Variants in RUSC2 observed in about 807,000 individuals in gnomAD.
RUSC2 encodes the protein RUN and SH3 domain containing 2.
A neutral mutation model predicts 122.2 loss-of-function variants in RUSC2; 34 were observed. That is an observed-to-expected ratio of 0.28 (90% confidence interval 0.21 to 0.37). The LOEUF (loss-of-function observed/expected upper bound fraction) is 0.37. Ranked by LOEUF, RUSC2 falls within the 10% of genes least tolerant of loss-of-function variation. RUSC2 has a pLI of 1.00. For synonymous variants in RUSC2, 784 were observed against 790.0 expected (o/e 0.99, Z 0.13); for missense variants, 1,747 against 1,952.4 (o/e 0.89, Z 1.98).
chr9:35,517,391 A>G (rs902242768), intron 1 of RUSC2, among the ~76,000 whole-genome samples: 1 of 152,184 alleles, frequency 6.6e-6, no homozygotes, highest in Non-Finnish European at 1.5e-5. Context: ...TGAGCAGTAG[A>G]ATACATCCCT....
At chr9:35,492,114 C>T (rs1181332236) in intron 1 of RUSC2, among the ~76,000 whole-genome samples, 1 of 152,054 alleles carries the variant, frequency 6.6e-6, no homozygotes, top group Non-Finnish European at 1.5e-5. Context: ...GTTAAGACCT[C>T]AGTTACCCCA....
Position 35,503,778 on chromosome 9 carries a change from T to A in RUSC2, c.-93+13606T>A, listed in dbSNP as rs184196909. On this transcript the variant is annotated intron_variant, in intron 1 of 11. Coordinates refer to ENST00000361226, the MANE Select transcript of RUSC2 (RefSeq NM_014806.5). ...CACAGCAACAACATCTATTATTATT[T>A]TTTTTTTCTTTTTTGAGACAGAGTT... Among the ~76,000 whole-genome samples the A allele has an allele frequency of 8.4e-3, 1,274 of 152,160 alleles. 9 individuals are homozygous for A. Among genetic ancestry groups the A allele is most frequent in the Non-Finnish European group, 0.012 (814 of 67,998 alleles).
chr9:35,534,597 TTAG>T (rs1821487188), intron 1 of RUSC2, among the ~76,000 whole-genome samples: 1 of 152,236 alleles, frequency 6.6e-6, no homozygotes, highest in Non-Finnish European at 1.5e-5. Context: ...CTCTTGTGCC[TTAG>T]CCTCCCGAGT....
chr9:35,517,911 G>A (rs927444522), intron 1 of RUSC2, among the ~76,000 whole-genome samples: 1 of 152,066 alleles, frequency 6.6e-6, no homozygotes, highest in African/African-American at 2.4e-5. Context: ...CCAGAAGATG[G>A]ATACAGTTAG....
Position 35,548,309 on chromosome 9 carries a change from C to T in RUSC2, c.1788C>T (p.Ser596=), listed in dbSNP as rs1430221799. 9 of 1,614,080 alleles carry T rather than the reference C, an allele frequency of 5.6e-6. No homozygotes were observed. Among genetic ancestry groups the T allele is most frequent in the Non-Finnish European group, 7.6e-6 (9 of 1,180,034 alleles). The change falls in exon 2 of 12, where the codon AGC becomes AGT. Residue 596 remains serine, a synonymous_variant. Coordinates refer to ENST00000361226, the MANE Select transcript of RUSC2 (RefSeq NM_014806.5). This position sits in a 1 kb window ranked among gnomAD's most constrained non-coding sequence, Gnocchi z 4.5. ...ATGAGGGCACTTGCTGTAGCCATAGCCTGCCACCCATGCCTTTGGGGCCAG... is the reference window on the plus strand; with the variant it reads ...ATGAGGGCACTTGCTGTAGCCATAGTCTGCCACCCATGCCTTTGGGGCCAG... ...PLDEGTCCSH[S]LPPMPLGPGM... is the part of the protein sequence containing the mutation.
chr9:35,523,190 G>T (rs1410310099), intron 1 of RUSC2, among the ~76,000 whole-genome samples: 2 of 152,122 alleles, frequency 1.3e-5, no homozygotes, highest in Non-Finnish European at 2.9e-5. Context: ...CATATCTTTT[G>T]TGAGGGTGGC....
intron 1 of RUSC2, among the ~76,000 whole-genome samples, chr9:35,500,007 G>A (rs1208183743): frequency 1.3e-5 from 2 of 152,154 alleles, no homozygotes; most frequent in Non-Finnish European, 2.9e-5. Context: ...AAAGTTGGCT[G>A]TATTCTATTT....
At chr9:35,517,020 A>G (rs928750560) in intron 1 of RUSC2, among the ~76,000 whole-genome samples, 3 of 152,234 alleles carry the variant, frequency 2.0e-5, no homozygotes, top group Non-Finnish European at 2.9e-5. Flanking sequence ...TGATCCATAG[A>G]TACATACAAT....
chr9:35,535,230 C>T (rs1821498257), intron 1 of RUSC2, among the ~76,000 whole-genome samples: 1 of 152,022 alleles, frequency 6.6e-6, no homozygotes, highest in South Asian at 2.1e-4. Flanking sequence ...ATTCTCCTGC[C>T]TCAGCCTCCC....
chr9:35,534,314 C>T (rs1232067642), intron 1 of RUSC2, among the ~76,000 whole-genome samples: 2 of 151,846 alleles, frequency 1.3e-5, no homozygotes, highest in African/African-American at 4.8e-5. Context: ...GTGGCTCATG[C>T]CTGTAATCCC....
rs1043740276 is a variant in RUSC2 at position 35,559,592 on chromosome 9, G to A, written c.3388+320G>A. ...TCTACTAAAAATTCAAAAATTAGCC[G>A]GCTGTGGTGGCGCATGCCTGTAGTC... On this transcript the variant is annotated intron_variant, in intron 9 of 11. Coordinates refer to ENST00000361226, the MANE Select transcript of RUSC2 (RefSeq NM_014806.5). Among the ~76,000 whole-genome samples, 6 of 152,092 alleles carry A rather than the reference G, an allele frequency of 3.9e-5. 1 individual carries two copies. Among genetic ancestry groups the A allele is most frequent in the South Asian group, 4.1e-4 (2 of 4,828 alleles).
In RUSC2 at chr9:35,546,762, A is replaced by G; in HGVS notation, c.241A>G (p.Ile81Val). The change falls in exon 2 of 12, where the codon ATA becomes GTA. Residue 81 changes from isoleucine to valine, a missense_variant. Coordinates refer to ENST00000361226, the MANE Select transcript of RUSC2 (RefSeq NM_014806.5). This position sits in a 1 kb window ranked among gnomAD's most constrained non-coding sequence, Gnocchi z 4.3. ...TACTCCAGGAGGAACTGCACGGTCT[A>G]TAGACAGCACCAAGAGTAGGAGTCG... ...HSTPGGTARS[I>V]DSTKSRSRDG... The G allele has an allele frequency of 1.2e-6, 2 of 1,600,256 alleles. No homozygotes were observed. The highest frequency in any genetic ancestry group is 2.3e-5 in the South Asian group (2 of 87,818).
At chr9:35,513,843 C>A (rs1821053162) in intron 1 of RUSC2, among the ~76,000 whole-genome samples, 1 of 144,538 alleles carries the variant, frequency 6.9e-6, no homozygotes, top group Non-Finnish European at 1.5e-5. Flanking sequence ...AAGACCCTGT[C>A]TCTATAAAAA....
At chr9:35,507,464 G>C (rs1820935463) in intron 1 of RUSC2, 1 of 153,602 alleles carries the variant, frequency 6.5e-6, no homozygotes, top group Admixed American at 6.5e-5. Flanking sequence ...CTCCATGTCT[G>C]TACTCAAATA....
chr9:35,516,022 A>AAAAAAAAAAAAG (rs1554724501), intron 1 of RUSC2, among the ~76,000 whole-genome samples: 14 of 127,186 alleles, frequency 1.1e-4, no homozygotes, highest in African/African-American at 3.4e-4. Context: ...AAAAAAAAAA[A>AAAAAAAAAAAAG]AGAGAAATGC....
At chr9:35,497,363 G>T (rs1820738622) in intron 1 of RUSC2, among the ~76,000 whole-genome samples, 1 of 152,168 alleles carries the variant, frequency 6.6e-6, no homozygotes, top group South Asian at 2.1e-4. Flanking sequence ...TGGATGAAAA[G>T]AACTTAATTG....
At chr9:35,503,511 G>A (rs910440625) in intron 1 of RUSC2, among the ~76,000 whole-genome samples, 3 of 152,150 alleles carry the variant, frequency 2.0e-5, no homozygotes, top group Admixed American at 2.0e-4. Flanking sequence ...CTTGGTTGAT[G>A]GGCATGTAGG....
chr9:35,555,340 T>C lies in RUSC2; in HGVS notation c.2295T>C (p.Ala765=), dbSNP rs1201486798. 1.2e-6 allele frequency: 2 copies of C among 1,614,100 alleles called. No homozygotes were observed. The highest frequency in any genetic ancestry group is 1.3e-5 in the African/African-American group (1 of 74,946). ...PRATGRGARK[A]GSEPETSRPS... ...CCACTGGCAGAGGTGCCAGGAAAGCTGGGTCTGAGCCAGAGACCTCTCGGC... is the reference window on the plus strand; with the variant it reads ...CCACTGGCAGAGGTGCCAGGAAAGCCGGGTCTGAGCCAGAGACCTCTCGGC... Residue 765 remains alanine (A), a synonymous_variant, in exon 3 of 12, where the codon GCT becomes GCC. Coordinates refer to ENST00000361226, the MANE Select transcript of RUSC2 (RefSeq NM_014806.5). This position sits in a 1 kb window ranked among gnomAD's most constrained non-coding sequence, Gnocchi z 4.6.
At chr9:35,494,893 GT>G (rs1022203550) in intron 1 of RUSC2, among the ~76,000 whole-genome samples, 11 of 133,846 alleles carry the variant, frequency 8.2e-5, no homozygotes, top group African/African-American at 1.1e-4. Context: ...CTGTTTTCTT[GT>G]TTTTTATATA....
Sources: allele counts gnomAD v4.1 joint callset (sites outside exome capture counted in the v4.1 genomes callset), GRCh38; gene constraint gnomAD v4.1.1; non-coding constraint Gnocchi (gnomAD v3.1); transcripts MANE v1.5; gene names NCBI Gene and HGNC (gene_info 2026-07-23, HGNC 2026-07-21).